Variants in PCDHA6 observed in about 807,000 individuals in gnomAD.
PCDHA6 encodes the protein protocadherin alpha-6.
PCDHA6 carries 55 observed loss-of-function variants against 60.3 expected under a neutral mutation model. That is an observed-to-expected ratio of 0.91 (90% CI 0.73 to 1.14). The LOEUF (loss-of-function observed/expected upper bound fraction) is 1.14. PCDHA6 is among the 50% of genes most tolerant of loss of function. The pLI, the probability that PCDHA6 is intolerant of heterozygous loss-of-function variation, is 0.00. For missense variants in PCDHA6, 1,327 were observed against 1,256.5 expected, an observed-to-expected ratio of 1.06 and a Z score of -0.85; for synonymous variants, 652 against 557.9, an observed-to-expected ratio of 1.17 and a Z score of -2.38.
In PCDHA6 at chr5:140,862,942, G is replaced by A. The variant is rs75462656; in HGVS notation, c.2394+32457G>A. 1.6e-3 allele frequency: 859 copies of A among 542,058 alleles called. 16 individuals carry two copies. In the East Asian group the frequency reaches 0.034, roughly 22 times the overall value. The allele number at this position is 542,058 out of a possible 1,614,324, so 33.6% of individuals were successfully genotyped here. ...GGTGGGCTGGCGGCGCTGTGAGTGA[G>A]CTGGTGCGGTATTCAGTGGATGCAG... On this transcript the variant is annotated intron_variant, in intron 1 of 3. Transcript: ENST00000529310.
At chr5:140,863,236 G>A (rs782784210) in intron 1 of PCDHA6, 6 of 1,282,274 alleles carry the variant, frequency 4.7e-6, no homozygotes, top group Non-Finnish European at 4.4e-6. Context: ...CCCATCGCGG[G>A]CTTTGGCGGG....
intron 1 of PCDHA6, among the ~76,000 whole-genome samples, chr5:140,976,886 AC>A (rs2096735847): frequency 6.6e-6 from 1 of 152,232 alleles, no homozygotes; most frequent in African/African-American, 2.4e-5. Flanking sequence ...GAATTAGGAT[AC>A]ATGCAACAGT....
intron 1 of PCDHA6, chr5:140,869,694 G>A (rs782372405): frequency 6.2e-7 from 1 of 1,613,394 alleles, no homozygotes; most frequent in Non-Finnish European, 8.5e-7. Flanking sequence ...TTATTTTAAA[G>A]AAGTCTCTGG....
At chr5:140,875,905 T>A (rs1554168057) in intron 1 of PCDHA6, 1 of 1,614,222 alleles carries the variant, frequency 6.2e-7, no homozygotes, top group Admixed American at 1.7e-5. Flanking sequence ...TGTTTCTGAA[T>A]CTGCGCCTCT....
In PCDHA6 at chr5:140,982,326, G is replaced by T. The variant is rs1369721700; in HGVS notation, c.2454-149G>T. 1.6e-5 allele frequency: 22 copies of T among 1,411,958 alleles called. No homozygotes were observed. In the Admixed American group the frequency reaches 3.0e-4, roughly 20 times the overall value. The allele number at this position is 1,411,958 out of a possible 1,614,324, so 87.5% of individuals were successfully genotyped here. On this transcript the variant is annotated intron_variant, in intron 2 of 3. Transcript: ENST00000529310. ...CTTCTGCAGTTTATGCAGGGTGACTGCTCAGCAGTAATTGCTTCAGTTCAA... is the reference window on the plus strand; with the variant it reads ...CTTCTGCAGTTTATGCAGGGTGACTTCTCAGCAGTAATTGCTTCAGTTCAA...
At chr5:141,006,105 GT>G (rs79904017) in intron 3 of PCDHA6, among the ~76,000 whole-genome samples, 172 of 143,342 alleles carry the variant, frequency 1.2e-3, no homozygotes, top group East Asian at 2.0e-3. Context: ...ATGGTAAGGA[GT>G]TTTTTTTTTT....
intron 1 of PCDHA6, among the ~76,000 whole-genome samples, chr5:140,893,161 G>A (rs2063850346): frequency 6.6e-6 from 1 of 152,160 alleles, no homozygotes; most frequent in African/African-American, 2.4e-5. Context: ...TGGATATTGA[G>A]GTTGATTCCA....
At chr5:140,944,438 C>T (rs1585166190) in intron 1 of PCDHA6, among the ~76,000 whole-genome samples, 2 of 152,154 alleles carry the variant, frequency 1.3e-5, no homozygotes, top group Non-Finnish European at 2.9e-5. Flanking sequence ...CTGCCTGCCT[C>T]GGCCTCCCAA....
chr5:140,840,327 C>T (rs1421494341), intron 1 of PCDHA6, among the ~76,000 whole-genome samples: 1 of 151,704 alleles, frequency 6.6e-6, no homozygotes, highest in East Asian at 1.9e-4. Flanking sequence ...GACTCATTTT[C>T]TAGGCAATGT....
At chr5:140,882,086 A>T in intron 1 of PCDHA6, 2 of 1,056,122 alleles carry the variant, frequency 1.9e-6, no homozygotes, top group Non-Finnish European at 2.7e-6. Context: ...GTCGCTCTTC[A>T]CTGAGAACGT....
At chr5:140,962,104 C>T (rs1387807188) in intron 1 of PCDHA6, among the ~76,000 whole-genome samples, 1 of 152,056 alleles carries the variant, frequency 6.6e-6, no homozygotes, top group Non-Finnish European at 1.5e-5. Context: ...CCAGGATGGT[C>T]TCGATCTCCT....
At chr5:140,858,455 AT>A in intron 1 of PCDHA6, 2 of 1,529,258 alleles carry the variant, frequency 1.3e-6, no homozygotes, top group Non-Finnish European at 1.8e-6. Context: ...TTACGTTTTC[AT>A]TTTCCTTTTG....
At chr5:140,920,269 A>G (rs1342153832) in intron 1 of PCDHA6, among the ~76,000 whole-genome samples, 1 of 152,224 alleles carries the variant, frequency 6.6e-6, no homozygotes, top group Non-Finnish European at 1.5e-5. Flanking sequence ...TTATTACTTT[A>G]TGTAATCTTA....
chr5:140,859,351 A>T (rs2045821296), intron 1 of PCDHA6: 1 of 247,508 alleles, frequency 4.0e-6, no homozygotes, highest in Non-Finnish European at 7.7e-6. Context: ...TTTTCTACTG[A>T]TCTGATATAT....
intron 2 of PCDHA6, among the ~76,000 whole-genome samples, chr5:140,981,521 C>T (rs894639773): frequency 1.3e-5 from 2 of 152,208 alleles, no homozygotes; most frequent in South Asian, 4.1e-4. Flanking sequence ...TTGCAGTGAG[C>T]TGAGATCGTG....
At chr5:141,000,391 CTCTCTA>C (rs1434799221) in intron 3 of PCDHA6, among the ~76,000 whole-genome samples, 1,083 of 55,870 alleles carry the variant, frequency 0.019, 5 homozygotes, top group Non-Finnish European at 0.023. Context: ...CTCTCTCTCT[CTCTCTA>C]TATATATATA....
At chr5:140,965,291 C>T (rs1227369041) in intron 1 of PCDHA6, among the ~76,000 whole-genome samples, 1 of 152,154 alleles carries the variant, frequency 6.6e-6, no homozygotes, top group Non-Finnish European at 1.5e-5. Context: ...GGAAAGATTT[C>T]CTCTGATCCT....
intron 1 of PCDHA6, chr5:140,850,000 G>T: frequency 3.1e-6 from 5 of 1,597,068 alleles, no homozygotes; most frequent in Non-Finnish European, 3.4e-6. Context: ...TTGGGCGAGC[G>T]CTCGCTGTCG....
At chr5:140,848,597 C>A (rs151001396) in intron 1 of PCDHA6, 1 of 1,580,556 alleles carries the variant, frequency 6.3e-7, no homozygotes, top group Non-Finnish European at 8.7e-7. Context: ...TCCACTACTC[C>A]GTCCCGGAGG....
Sources: gnomAD v4.1 joint callset for allele counts (sites outside exome capture counted in the v4.1 genomes callset) on GRCh38, gnomAD v4.1.1 for gene constraint, MANE v1.5 for transcripts, NCBI Gene and HGNC (gene_info 2026-07-23, HGNC 2026-07-21) for gene names.